LRRTM4: variants seen among roughly 807,000 people sequenced by gnomAD.
LRRTM4 encodes leucine-rich repeat transmembrane neuronal protein 4.
LRRTM4 carries 25 observed loss-of-function variants against 47.6 expected under a neutral mutation model. The ratio of observed to expected loss-of-function variants is 0.53; its 90% confidence interval spans 0.38 to 0.73. The LOEUF (loss-of-function observed/expected upper bound fraction) is 0.73. Among genes scored for constraint, LRRTM4 ranks in the 30% least tolerant of loss-of-function variants. The probability of loss-of-function intolerance (pLI) is 0.00; values close to 1 mark genes in which losing one functional copy is unlikely to be tolerated. For synonymous variants in LRRTM4, 311 were observed against 269.5 expected (o/e 1.15, Z -1.51); for missense variants, 638 against 713.4 (o/e 0.89, Z 1.20).
intron 3 of LRRTM4, among the ~76,000 whole-genome samples, chr2:77,379,120 C>A (rs1474077086): frequency 6.6e-6 from 1 of 151,796 alleles, no homozygotes; most frequent in Non-Finnish European, 1.5e-5. Flanking sequence ...ATAATATATT[C>A]ATCTAATATG....
At chr2:77,031,970 C>T (rs1678676074) in intron 3 of LRRTM4, among the ~76,000 whole-genome samples, 1 of 151,962 alleles carries the variant, frequency 6.6e-6, no homozygotes, top group Non-Finnish European at 1.5e-5. Flanking sequence ...TTCTATGCCT[C>T]GCATCTCATT....
At chr2:77,420,922 C>T (rs1443332967) in intron 3 of LRRTM4, among the ~76,000 whole-genome samples, 1 of 146,252 alleles carries the variant, frequency 6.8e-6, no homozygotes, top group African/African-American at 2.5e-5. Context: ...GCACCTCAAA[C>T]ATCCAGATTA....
intron 3 of LRRTM4, among the ~76,000 whole-genome samples, chr2:77,063,648 A>G (rs1167139686): frequency 2.0e-5 from 3 of 152,166 alleles, no homozygotes; most frequent in Non-Finnish European, 4.4e-5. Flanking sequence ...AAACCAAATC[A>G]ACTCTTTTTA....
At chr2:77,503,631 G>T (rs927197679) in intron 3 of LRRTM4, among the ~76,000 whole-genome samples, 1 of 151,536 alleles carries the variant, frequency 6.6e-6, no homozygotes, top group Non-Finnish European at 1.5e-5. Flanking sequence ...GAGAGGGTGA[G>T]AGGGAGAGAC....
At position 76,811,539 on chromosome 2, in the gene LRRTM4, A is replaced by G. The variant is rs1027229674; in HGVS notation, c.1552-62623T>C. Among the ~76,000 whole-genome samples the G allele has an allele frequency of 6.6e-5, 10 of 152,254 alleles. No homozygotes were observed. In the South Asian group the frequency reaches 2.1e-3, roughly 32 times the overall value. ...TTAGCTAAGGCCATTCATCTGATGG[A>G]AAAACCTATTCCCTTTGGCTCTCAT... On this transcript the variant is annotated intron_variant, in intron 3 of 3. Coordinates refer to ENST00000409884, the MANE Select transcript of LRRTM4 (RefSeq NM_001134745.3).
chr2:76,950,485 C>A (rs528987293), intron 3 of LRRTM4, among the ~76,000 whole-genome samples: 2 of 151,976 alleles, frequency 1.3e-5, no homozygotes, highest in East Asian at 2.0e-4. Context: ...ATTTTATTAA[C>A]CTTCAAAACA....
intron 3 of LRRTM4, among the ~76,000 whole-genome samples, chr2:76,850,272 G>A (rs759433983): frequency 2.0e-5 from 3 of 151,374 alleles, no homozygotes; most frequent in East Asian, 1.9e-4. Flanking sequence ...TCTGTCTTTC[G>A]AGACCTACCT....
At chr2:76,919,601 G>T (rs1472727121) in intron 3 of LRRTM4, among the ~76,000 whole-genome samples, 2 of 152,082 alleles carry the variant, frequency 1.3e-5, no homozygotes, top group African/African-American at 4.8e-5. Context: ...GGAAAATTGT[G>T]AAAGCCGATA....
intron 3 of LRRTM4, among the ~76,000 whole-genome samples, chr2:76,920,250 A>G (rs1386964302): frequency 6.6e-6 from 1 of 152,138 alleles, no homozygotes; most frequent in Non-Finnish European, 1.5e-5. Flanking sequence ...CTATAGAAAT[A>G]AAAATATTTT....
intron 3 of LRRTM4, among the ~76,000 whole-genome samples, chr2:76,845,373 T>A (rs1417480879): frequency 6.6e-6 from 1 of 152,062 alleles, no homozygotes; most frequent in African/African-American, 2.4e-5. Flanking sequence ...GCACCTGTAG[T>A]CCCAGCTACT....
At chr2:76,880,293 C>T (rs1176218626) in intron 3 of LRRTM4, among the ~76,000 whole-genome samples, 1 of 152,088 alleles carries the variant, frequency 6.6e-6, no homozygotes, top group Non-Finnish European at 1.5e-5. Context: ...TTGCCATAGC[C>T]ACCTCGAACT....
intron 3 of LRRTM4, among the ~76,000 whole-genome samples, chr2:77,512,637 C>T (rs1408087025): frequency 6.6e-6 from 1 of 152,040 alleles, no homozygotes; most frequent in African/African-American, 2.4e-5. Context: ...GTCACCAAGT[C>T]CCCAGTGAAA....
chr2:77,099,885 T>C (rs993819806), intron 3 of LRRTM4, among the ~76,000 whole-genome samples: 2 of 152,046 alleles, frequency 1.3e-5, no homozygotes, highest in African/African-American at 4.8e-5. Context: ...TTATTCACTG[T>C]CACTTATGTA....
chr2:77,214,174 T>C (rs1674373971), intron 3 of LRRTM4, among the ~76,000 whole-genome samples: 1 of 152,176 alleles, frequency 6.6e-6, no homozygotes, highest in Admixed American at 6.5e-5. Context: ...TATCACAATA[T>C]AATTCTAACA....
intron 3 of LRRTM4, among the ~76,000 whole-genome samples, chr2:77,015,817 T>TTCTGGAGGATAAGAGAACAGC (rs1451958798): frequency 6.6e-6 from 1 of 151,952 alleles, no homozygotes. Flanking sequence ...AAGAGAACAT[T>TTCTGGAGGATAAGAGAACAGC]TCTGGAGGAT....
chr2:76,926,458 T>C (rs1674592039), intron 3 of LRRTM4, among the ~76,000 whole-genome samples: 1 of 152,256 alleles, frequency 6.6e-6, no homozygotes, highest in East Asian at 1.9e-4. Flanking sequence ...GACAAGGAGA[T>C]ACATTTTGGG....
chr2:77,226,685 A>G (rs766339944), intron 3 of LRRTM4, among the ~76,000 whole-genome samples: 1 of 151,942 alleles, frequency 6.6e-6, no homozygotes, highest in Non-Finnish European at 1.5e-5. Context: ...AATAAGTGAA[A>G]CGTTTGTTTT....
chr2:77,512,195 T>G (rs986179871), intron 3 of LRRTM4, among the ~76,000 whole-genome samples: 3 of 152,164 alleles, frequency 2.0e-5, no homozygotes, highest in African/African-American at 7.2e-5. Flanking sequence ...ATAGCATTAT[T>G]TTTAAACTCT....
At chr2:76,931,030 G>A (rs1269881105) in intron 3 of LRRTM4, among the ~76,000 whole-genome samples, 1 of 151,774 alleles carries the variant, frequency 6.6e-6, no homozygotes, top group Non-Finnish European at 1.5e-5. Flanking sequence ...GATTTTTGAG[G>A]TATTTTACAT....
Sources: allele counts gnomAD v4.1 joint callset (sites outside exome capture counted in the v4.1 genomes callset), GRCh38; gene constraint gnomAD v4.1.1; transcripts MANE v1.5; gene names NCBI Gene and HGNC (gene_info 2026-07-23, HGNC 2026-07-21).